The following CCDC88A variants were observed in gnomAD, a reference collection of about 807,000 sequenced individuals.
CCDC88A encodes the protein coiled-coil and HOOK domain protein 88A.
A neutral mutation model predicts 234.3 loss-of-function variants in CCDC88A; 54 were observed. The ratio of observed to expected loss-of-function variants is 0.23; its 90% CI spans 0.19 to 0.29. CCDC88A has a LOEUF of 0.29. CCDC88A is among the 10% of genes least tolerant of loss of function. The probability of loss-of-function intolerance (pLI) is 1.00; values close to 1 mark genes in which losing one functional copy is unlikely to be tolerated. For synonymous variants in CCDC88A, 753 were observed against 737.8 expected, an observed-to-expected ratio of 1.02 and a Z score of -0.33; for missense variants, 1,832 against 2,123.4, an observed-to-expected ratio of 0.86 and a Z score of 2.70.
chr2:55,350,373 G>A (rs1201935628), intron 8 of CCDC88A: 1 of 152,036 alleles, frequency 6.6e-6, no homozygotes, highest in African/African-American at 2.4e-5. Context: ...TTTCTGCCCT[G>A]TAGCCTATAA....
chr2:55,345,614 C>G (rs1208527344), intron 10 of CCDC88A: 1 of 152,464 alleles, frequency 6.6e-6, no homozygotes, highest in East Asian at 1.9e-4. Flanking sequence ...CCAGGCTAGT[C>G]TCGAACCCCT....
chr2:55,301,150 T>C, intron 28 of CCDC88A, 56 bp downstream of exon 28: 2 of 1,043,898 alleles, frequency 1.9e-6, no homozygotes, highest in South Asian at 1.4e-5. Flanking sequence ...GCAAGAGTCC[T>C]AGCATTCCCA....
rs1682114278 is a variant in CCDC88A at position 55,309,883 on chromosome 2, T to C, written c.4080-629A>G. Among the ~76,000 whole-genome samples, 5 of 152,152 alleles carry C rather than the reference T, an allele frequency of 3.3e-5. No homozygotes were observed. Among genetic ancestry groups the C allele is most frequent in the Non-Finnish European group, 7.4e-5 (5 of 68,020 alleles). ...GAGAGAAGATATATCCATAAATTAATATAATAACATATAATATTGTGTGTG... is the reference window on the plus strand; with the variant it reads ...GAGAGAAGATATATCCATAAATTAACATAATAACATATAATATTGTGTGTG... On this transcript the variant is annotated intron_variant, in intron 23 of 32. Transcript: ENST00000436346. The surrounding 1 kb of genome is among the most constrained non-coding windows in gnomAD (Gnocchi z 5.1).
chr2:55,351,856 C>T lies in CCDC88A; in HGVS notation c.801-2257G>A, dbSNP rs115109890. Among the ~76,000 whole-genome samples, 273 of 152,186 alleles carry T rather than the reference C, an allele frequency of 1.8e-3. 1 individual carries two copies. The highest frequency in any genetic ancestry group is 2.6e-3 in the Non-Finnish European group (180 of 68,002). Reference sequence around the variant, plus strand: ...AACCAAAAAATGGCTAATCAAAATGCGGTATATCCATTCAGTGGAATATTA... The same window carrying T: ...AACCAAAAAATGGCTAATCAAAATGTGGTATATCCATTCAGTGGAATATTA... On this transcript the variant is annotated intron_variant, in intron 8 of 32. Transcript: ENST00000436346.
chr2:55,393,747 T>A lies in CCDC88A; in HGVS notation c.165-4861A>T, dbSNP rs1677082148. Among the ~76,000 whole-genome samples, 3 of 152,316 alleles carry A rather than the reference T, an allele frequency of 2.0e-5. No individual in the cohort carries two copies. In the South Asian group the frequency reaches 6.2e-4, roughly 32 times the overall value. On this transcript the variant is annotated intron_variant, in intron 2 of 32. Transcript: ENST00000436346. The stretch of plus-strand genomic sequence containing the variant: ...CCACCTTTTCAATCTTGCATTACAT[T>A]TCTATTTCTTTACTTGCTGCATTAA...
intron 2 of CCDC88A, among the ~76,000 whole-genome samples, chr2:55,401,316 C>G (rs1282821246): frequency 1.3e-5 from 2 of 150,186 alleles, no homozygotes; most frequent in Non-Finnish European, 3.0e-5. Context: ...TGCCTGCAGT[C>G]CTAGCTACGC....
chr2:55,419,071 G>C lies in CCDC88A; in HGVS notation c.9C>G (p.Asn3Lys). The C allele has an allele frequency of 1.2e-6, 2 of 1,610,544 alleles. No individual in the cohort carries two copies. Among genetic ancestry groups the C allele is most frequent in the Non-Finnish European group, 1.7e-6 (2 of 1,176,866 alleles). ME[N>K]EIFTPLLEQF... Reference sequence around the variant, plus strand: ...GCTCCAGAAGGGGAGTAAAAATTTCGTTCTCCATTTTACAGAGTATGTATT... The same window carrying C: ...GCTCCAGAAGGGGAGTAAAAATTTCCTTCTCCATTTTACAGAGTATGTATT... Residue 3 changes from asparagine to lysine, a missense_variant, in exon 1 of 33, where the codon AAC becomes AAG. Coordinates refer to ENST00000436346, the MANE Select transcript of CCDC88A (RefSeq NM_001365480.1).
chr2:55,354,261 C>T (rs979747307), intron 8 of CCDC88A, among the ~76,000 whole-genome samples: 2 of 151,714 alleles, frequency 1.3e-5, no homozygotes, highest in African/African-American at 4.8e-5. Context: ...CTGCCTCAGC[C>T]TCCCAGGTAA....
chr2:55,296,782 C>T, intron 29 of CCDC88A: 1 of 458,158 alleles, frequency 2.2e-6, no homozygotes, highest in Non-Finnish European at 3.9e-6. Flanking sequence ...CTATCATACT[C>T]AGAGCCTAAA....
rs142076326 is a variant in CCDC88A at position 55,415,955 on chromosome 2, C to T, written c.164+2861G>A. On this transcript the variant is annotated intron_variant, in intron 2 of 32. Coordinates refer to ENST00000436346, the MANE Select transcript of CCDC88A (RefSeq NM_001365480.1). ...TTTAATGGAATACAAAAATATCCAG[C>T]GCCAAACAAGCTAAAATTTCAAATG... Among the ~76,000 whole-genome samples, 769 of 151,836 alleles carry T rather than the reference C, an allele frequency of 5.1e-3. 10 individuals are homozygous for T. The highest frequency in any genetic ancestry group is 0.018 in the African/African-American group (728 of 41,394).
At chr2:55,401,566 T>C (rs72618672) in intron 2 of CCDC88A, among the ~76,000 whole-genome samples, 1 of 81,108 alleles carries the variant, frequency 1.2e-5, no homozygotes, top group African/African-American at 5.4e-5. Context: ...CTCCCCCCCA[T>C]AAATTCAAAT....
At chr2:55,298,630 G>C (rs1160695277) in intron 29 of CCDC88A, among the ~76,000 whole-genome samples, 1 of 152,082 alleles carries the variant, frequency 6.6e-6, no homozygotes, top group African/African-American at 2.4e-5. Context: ...AAATAATTCA[G>C]AGGCTGGATG....
At chr2:55,300,344 C>G (rs895074908) in intron 28 of CCDC88A, 12 of 163,040 alleles carry the variant, frequency 7.4e-5, no homozygotes, top group African/African-American at 2.6e-4. Flanking sequence ...GTATTCCTAT[C>G]TGTAACAAGG....
At chr2:55,357,492 C>A (rs1364787371) in intron 7 of CCDC88A, among the ~76,000 whole-genome samples, 1 of 151,996 alleles carries the variant, frequency 6.6e-6, no homozygotes, top group African/African-American at 2.4e-5. Context: ...TTCCTCCATT[C>A]CCCTAATTTT....
At position 55,344,419 on chromosome 2, in the gene CCDC88A, T is replaced by C. The variant is rs771838000; in HGVS notation, c.1137A>G (p.Glu379=). The change falls in exon 11 of 33, where the codon GAA becomes GAG. Residue 379 remains glutamate (E), a synonymous_variant. Transcript: ENST00000436346. The part of the protein sequence containing the change: ...GTRARSDKLH[E]LEKENLQLKA... ...TCAGTTGTAAGTTCTCTTTTTCTAA[T>C]TCATGTAATTTATCAGAACGAGCAC... The C allele has an allele frequency of 2.4e-5, 38 of 1,589,466 alleles. No individual in the cohort carries two copies. Among genetic ancestry groups the C allele is most frequent in the Non-Finnish European group, 2.3e-5 (27 of 1,165,120 alleles).
chr2:55,407,262 CTGAGA>C (rs1679744782), intron 2 of CCDC88A, among the ~76,000 whole-genome samples: 1 of 151,734 alleles, frequency 6.6e-6, no homozygotes, highest in Non-Finnish European at 1.5e-5. Context: ...TGAAGGACTA[CTGAGA>C]TATCTCACAA....
chr2:55,331,856 T>A (rs1358289473), intron 16 of CCDC88A: 1 of 152,220 alleles, frequency 6.6e-6, no homozygotes, highest in African/African-American at 2.4e-5. Flanking sequence ...TTCCTCCATT[T>A]ATCTTTAAGT....
At chr2:55,293,687 C>G (rs557423583) in intron 31 of CCDC88A, 1 of 152,178 alleles carries the variant, frequency 6.6e-6, no homozygotes, top group South Asian at 2.1e-4. Context: ...TTCCAGGTGC[C>G]AGGCTGAGTC....
chr2:55,394,949 G>T (rs1677286349), intron 2 of CCDC88A, among the ~76,000 whole-genome samples: 1 of 151,970 alleles, frequency 6.6e-6, no homozygotes, highest in South Asian at 2.1e-4. Context: ...GGGTTCAAGT[G>T]ATTCTCCTGC....
Sources: allele counts gnomAD v4.1 joint callset (sites outside exome capture counted in the v4.1 genomes callset), GRCh38; gene constraint gnomAD v4.1.1; non-coding constraint Gnocchi (gnomAD v3.1); transcripts MANE v1.5; gene names NCBI Gene and HGNC (gene_info 2026-07-23, HGNC 2026-07-21).